Variants in TMEM132B observed in about 807,000 individuals in gnomAD.
TMEM132B encodes transmembrane protein 132B.
TMEM132B carries 18 observed loss-of-function variants against 90.8 expected under a neutral mutation model. The ratio of observed to expected loss-of-function variants is 0.20; its 90% CI spans 0.14 to 0.29. TMEM132B has a LOEUF of 0.29. Ranked by LOEUF, TMEM132B falls within the 10% of genes least tolerant of loss-of-function variation. The pLI is 1.00. For synonymous variants in TMEM132B, 504 were observed against 523.3 expected (o/e 0.96, Z 0.50); for missense variants, 1,096 against 1,326.8 (o/e 0.83, Z 2.70).
chr12:125,417,941 G>C (rs1345189382), intron 3 of TMEM132B, among the ~76,000 whole-genome samples: 1 of 152,184 alleles, frequency 6.6e-6, no homozygotes. Flanking sequence ...AAGAGCTTGG[G>C]CAGAGAGTGG....
At chr12:125,410,457 GGAGTGGAGTGGAGT>G (rs1420305755) in intron 2 of TMEM132B, among the ~76,000 whole-genome samples, 1 of 12,274 alleles carries the variant, frequency 8.1e-5, no homozygotes, top group African/African-American at 7.9e-4. Context: ...GGAGTGGAGT[GGAGTGGAGTGGAGT>G]GAGTGGAGTG....
At chr12:125,224,451 T>C (rs1211059054) in intron 1 of TMEM132B, among the ~76,000 whole-genome samples, 1 of 151,028 alleles carries the variant, frequency 6.6e-6, no homozygotes, top group African/African-American at 2.5e-5. Context: ...TGTTTTCTGA[T>C]ATTAAGGACT....
intron 3 of TMEM132B, among the ~76,000 whole-genome samples, chr12:125,515,904 AC>A (rs1883141160): frequency 1.8e-5 from 2 of 113,738 alleles, no homozygotes; most frequent in African/African-American, 9.7e-5. Flanking sequence ...ACATTTACAC[AC>A]ACAAACACAT....
intron 1 of TMEM132B, among the ~76,000 whole-genome samples, chr12:125,274,962 G>A (rs988182961): frequency 2.0e-5 from 3 of 152,122 alleles, no homozygotes; most frequent in South Asian, 2.1e-4. Context: ...AGGATTCCAA[G>A]GATGCAAAAT....
At chr12:125,424,506 A>G (rs1229368638) in intron 3 of TMEM132B, among the ~76,000 whole-genome samples, 2 of 152,168 alleles carry the variant, frequency 1.3e-5, no homozygotes, top group African/African-American at 4.8e-5. Flanking sequence ...GTTTTTCCCT[A>G]CTTGGTTGCC....
intron 1 of TMEM132B, among the ~76,000 whole-genome samples, chr12:125,295,089 A>G (rs1474426418): frequency 6.6e-6 from 1 of 152,254 alleles, no homozygotes; most frequent in East Asian, 1.9e-4. Context: ...ACAAAAAGGA[A>G]GTGAACAAAA....
chr12:125,327,343 G>A (rs1013228515), intron 1 of TMEM132B: 1 of 152,256 alleles, frequency 6.6e-6, no homozygotes, highest in African/African-American at 2.4e-5. Context: ...TCCCAGTGAC[G>A]GGTCCACCCT....
chr12:125,504,510 C>T (rs1222524665), intron 3 of TMEM132B, among the ~76,000 whole-genome samples: 2 of 151,992 alleles, frequency 1.3e-5, no homozygotes, highest in Non-Finnish European at 2.9e-5. Context: ...TTGTGATACT[C>T]CTTGGAAAAG....
chr12:125,369,859 G>A (rs1413872905), intron 2 of TMEM132B, among the ~76,000 whole-genome samples: 1 of 152,182 alleles, frequency 6.6e-6, no homozygotes, highest in Non-Finnish European at 1.5e-5. Context: ...GACCAGCCTG[G>A]CCAACATGGT....
chr12:125,515,097 G>A (rs1483764623), intron 3 of TMEM132B, among the ~76,000 whole-genome samples: 4 of 152,126 alleles, frequency 2.6e-5, no homozygotes, highest in African/African-American at 4.8e-5. Context: ...AAGCAGTGTC[G>A]CCACTCCATG....
At chr12:125,337,812 C>T (rs325077) in intron 1 of TMEM132B, among the ~76,000 whole-genome samples, 89,751 of 152,116 alleles carry the variant, frequency 0.59, 29,363 homozygotes, top group African/African-American at 0.88. Flanking sequence ...ATGCAGATGG[C>T]GAAATTAAAA....
intron 2 of TMEM132B, among the ~76,000 whole-genome samples, chr12:125,381,333 C>G (rs762460902): frequency 6.6e-6 from 1 of 152,122 alleles, no homozygotes; most frequent in Non-Finnish European, 1.5e-5. Context: ...GAGGTGATAC[C>G]AGAAAGCAGA....
intron 4 of TMEM132B, among the ~76,000 whole-genome samples, chr12:125,541,010 C>G (rs1435306119): frequency 6.6e-6 from 1 of 152,198 alleles, no homozygotes; most frequent in African/African-American, 2.4e-5. Context: ...TTTGTACTTC[C>G]TGTTCCCTCT....
At chr12:125,627,920 C>T (rs1302045686) in intron 5 of TMEM132B, among the ~76,000 whole-genome samples, 4 of 152,162 alleles carry the variant, frequency 2.6e-5, no homozygotes, top group Non-Finnish European at 5.9e-5. Context: ...CAATGTTTGT[C>T]TTTCTGTGCC....
intron 4 of TMEM132B, among the ~76,000 whole-genome samples, chr12:125,564,193 G>A (rs1592995778): frequency 6.6e-6 from 1 of 152,158 alleles, no homozygotes; most frequent in Non-Finnish European, 1.5e-5. Context: ...GAGAGCGAGG[G>A]CAACACAGCG....
chr12:125,657,387 C>A lies in TMEM132B; in HGVS notation c.*2677C>A, dbSNP rs1887092712. 6.6e-6 allele frequency: 1 copy of A among 150,900 alleles called. No homozygotes were observed. The highest frequency in any genetic ancestry group is 1.5e-5 in the Non-Finnish European group (1 of 67,932). 9.3% of individuals were successfully genotyped at this position (150,900 alleles called of 1,614,324 possible). A position where few individuals can be genotyped will look rare whatever the true frequency, so the allele number is the denominator to read the frequency against. ...TGTGTGTGAATACTGAAGAGCCAGA[C>A]AACAAACTATTTAGTAAGAATCAAC... On this transcript the variant is annotated 3_prime_UTR_variant, in exon 9 of 9. Coordinates refer to ENST00000682704, the MANE Select transcript of TMEM132B (RefSeq NM_001366854.1).
intron 4 of TMEM132B, among the ~76,000 whole-genome samples, chr12:125,522,182 A>T (rs1592972449): frequency 6.6e-6 from 1 of 152,138 alleles, no homozygotes; most frequent in African/African-American, 2.4e-5. Flanking sequence ...TGGCTAAATT[A>T]GTCTCCCCCT....
chr12:125,286,431 T>C (rs1875358594), intron 1 of TMEM132B, among the ~76,000 whole-genome samples: 1 of 152,246 alleles, frequency 6.6e-6, no homozygotes, highest in African/African-American at 2.4e-5. Flanking sequence ...GATACCAGCC[T>C]GACTCTGGGT....
At chr12:125,418,589 A>G (rs1880088261) in intron 3 of TMEM132B, among the ~76,000 whole-genome samples, 1 of 152,234 alleles carries the variant, frequency 6.6e-6, no homozygotes, top group Non-Finnish European at 1.5e-5. Context: ...CCAGCTAACA[A>G]AGTGAATATA....
Sources: allele counts gnomAD v4.1 joint callset (sites outside exome capture counted in the v4.1 genomes callset), GRCh38; gene constraint gnomAD v4.1.1; transcripts MANE v1.5; gene names NCBI Gene and HGNC (gene_info 2026-07-23, HGNC 2026-07-21).